PCDHA7: variants seen among roughly 807,000 people sequenced by gnomAD.
The protein encoded by PCDHA7 is protocadherin alpha-7.
Under a neutral mutation model 57.2 loss-of-function variants are expected in PCDHA7, and 37 were observed. The observed-to-expected ratio is 0.65, with a 90% CI of 0.50 to 0.85. The LOEUF is 0.85. Ranked by LOEUF, PCDHA7 falls within the 40% of genes least tolerant of loss-of-function variation. PCDHA7 has a pLI of 0.00. For missense variants in PCDHA7, 1,188 were observed against 1,241.8 expected, an observed-to-expected ratio of 0.96 and a Z score of 0.65; for synonymous variants, 553 against 558.8, an observed-to-expected ratio of 0.99 and a Z score of 0.15.
At chr5:140,953,058 C>T (rs1186621578) in intron 1 of PCDHA7, among the ~76,000 whole-genome samples, 1 of 152,202 alleles carries the variant, frequency 6.6e-6, no homozygotes, top group African/African-American at 2.4e-5. Flanking sequence ...TCACCTCTCA[C>T]AGGCCCCATC....
At chr5:140,936,419 TTTAA>T (rs1159041231) in intron 1 of PCDHA7, among the ~76,000 whole-genome samples, 4 of 152,184 alleles carry the variant, frequency 2.6e-5, no homozygotes, top group Non-Finnish European at 5.9e-5. Context: ...TGTTACTAAT[TTTAA>T]TTAATTTAAG....
chr5:140,881,023 A>T (rs1338073910), intron 1 of PCDHA7, among the ~76,000 whole-genome samples: 2 of 152,240 alleles, frequency 1.3e-5, no homozygotes, highest in Admixed American at 1.3e-4. Flanking sequence ...AAATAAACCC[A>T]ACAGTCATTT....
At chr5:140,871,198 C>T (rs540384431) in intron 1 of PCDHA7, 3 of 1,613,730 alleles carry the variant, frequency 1.9e-6, no homozygotes, top group African/African-American at 1.3e-5. Context: ...CAACGTGTAC[C>T]TGATCATCGC....
chr5:140,994,786 T>C (rs1219918332), intron 3 of PCDHA7, among the ~76,000 whole-genome samples: 4 of 152,086 alleles, frequency 2.6e-5, no homozygotes, highest in Non-Finnish European at 5.9e-5. Context: ...AAGGAAACAA[T>C]GCGTGCATGC....
At chr5:140,931,947 T>C (rs782000891) in intron 1 of PCDHA7, among the ~76,000 whole-genome samples, 1 of 151,972 alleles carries the variant, frequency 6.6e-6, no homozygotes, top group Non-Finnish European at 1.5e-5. Context: ...GTCTGAGTCT[T>C]ACAGAATCAT....
In PCDHA7 at chr5:140,947,454, C is replaced by G. The variant is rs138457341; in HGVS notation, c.2356-31495C>G. 3.0e-4 allele frequency among the ~76,000 whole-genome samples: 45 copies of G among 151,700 alleles called. No individual in the cohort carries two copies. In the East Asian group the frequency reaches 8.3e-3, roughly 28 times the overall value. On this transcript the variant is annotated intron_variant, in intron 1 of 3. Coordinates refer to ENST00000525929, the MANE Select transcript of PCDHA7 (RefSeq NM_018910.3). ...AAAATCAGCTGTGAAATCCTCCAACCTTGTTCTACTTGTAAACATTGTTTT... is the reference window on the plus strand; with the variant it reads ...AAAATCAGCTGTGAAATCCTCCAACGTTGTTCTACTTGTAAACATTGTTTT...
intron 1 of PCDHA7, among the ~76,000 whole-genome samples, chr5:140,918,655 T>C (rs1248144760): frequency 6.6e-6 from 1 of 152,218 alleles, no homozygotes; most frequent in Non-Finnish European, 1.5e-5. Context: ...CTAATTCTCA[T>C]GTTGATGGTA....
intron 1 of PCDHA7, among the ~76,000 whole-genome samples, chr5:140,844,660 A>G (rs1779489979): frequency 1.3e-5 from 2 of 149,622 alleles, no homozygotes; most frequent in African/African-American, 4.9e-5. Flanking sequence ...TGCAAACCAA[A>G]CATATAATTT....
chr5:140,882,708 C>T, intron 1 of PCDHA7: 2 of 1,614,174 alleles, frequency 1.2e-6, no homozygotes, highest in Non-Finnish European at 1.7e-6. Flanking sequence ...GAATCTAGAC[C>T]TCCGGAAACT....
At chr5:140,874,958 A>G (rs2055195313) in intron 1 of PCDHA7, among the ~76,000 whole-genome samples, 1 of 152,242 alleles carries the variant, frequency 6.6e-6, no homozygotes, top group South Asian at 2.1e-4. Flanking sequence ...TGTAAGCTAT[A>G]TAAGGGGAGG....
intron 1 of PCDHA7, chr5:140,926,327 A>AGAGCGCCGGGACCC (rs1363803647): frequency 6.6e-6 from 1 of 152,258 alleles, no homozygotes; most frequent in African/African-American, 2.4e-5. Context: ...CGCCGGGGTC[A>AGAGCGCCGGGACCC]GAGCGCCGGG....
At chr5:140,950,043 A>T (rs1011500100) in intron 1 of PCDHA7, among the ~76,000 whole-genome samples, 1 of 151,950 alleles carries the variant, frequency 6.6e-6, no homozygotes, top group Non-Finnish European at 1.5e-5. Flanking sequence ...TTACAACCAT[A>T]TAAGACTATT....
chr5:141,004,982 A>G (rs1445212778), intron 3 of PCDHA7, among the ~76,000 whole-genome samples: 2 of 152,234 alleles, frequency 1.3e-5, no homozygotes, highest in African/African-American at 2.4e-5. Flanking sequence ...TTGCAGTATC[A>G]TTATCTTGGT....
At chr5:140,869,139 AC>A in intron 1 of PCDHA7, 1 of 1,613,274 alleles carries the variant, frequency 6.2e-7, no homozygotes. Flanking sequence ...TGGGCACCCC[AC>A]GACTACAGCT....
At chr5:140,848,886 C>G in intron 1 of PCDHA7, 2 of 1,591,496 alleles carry the variant, frequency 1.3e-6, no homozygotes, top group Admixed American at 1.7e-5. Context: ...CGACAACCCT[C>G]CAGTGTTCCC....
intron 3 of PCDHA7, among the ~76,000 whole-genome samples, chr5:140,997,722 C>G (rs2097782886): frequency 6.6e-6 from 1 of 151,372 alleles, no homozygotes; most frequent in South Asian, 2.1e-4. Context: ...CTTTCTACGT[C>G]AGTACATATA....
In PCDHA7 at chr5:140,850,586, C is replaced by T. The variant is rs10040059; in HGVS notation, c.2355+13848C>T. The stretch of plus-strand genomic sequence containing the variant: ...CCGAGGTGACGCTGGTGGATGTCAA[C>T]GTGTACCTGATCATCGCCATCTGCG... On this transcript the variant is annotated intron_variant, in intron 1 of 3. Transcript: ENST00000525929. 1,289 of 1,598,414 alleles carry T rather than the reference C, an allele frequency of 8.1e-4. 73 individuals carry two copies. In the African/African-American group the frequency reaches 0.014, roughly 17 times the overall value.
chr5:140,893,150 A>G (rs1398784015), intron 1 of PCDHA7, among the ~76,000 whole-genome samples: 1 of 152,066 alleles, frequency 6.6e-6, no homozygotes, highest in Non-Finnish European at 1.5e-5. Context: ...TCATCTGTTG[A>G]TGGATATTGA....
intron 1 of PCDHA7, among the ~76,000 whole-genome samples, chr5:140,925,170 A>G (rs2153576816): frequency 6.6e-6 from 1 of 152,194 alleles, no homozygotes; most frequent in East Asian, 1.9e-4. Flanking sequence ...TGTGTAATTG[A>G]CCCCAATGTA....
Sources: gnomAD v4.1 joint callset for allele counts (sites outside exome capture counted in the v4.1 genomes callset) on GRCh38, gnomAD v4.1.1 for gene constraint, MANE v1.5 for transcripts, NCBI Gene and HGNC (gene_info 2026-07-23, HGNC 2026-07-21) for gene names.